Variants in ATP6V1H observed in about 807,000 individuals in gnomAD.
The protein encoded by ATP6V1H is V-type proton ATPase subunit H.
Under a neutral mutation model 71.7 loss-of-function variants are expected in ATP6V1H, and 39 were observed. That is an observed-to-expected ratio of 0.54 (90% CI 0.42 to 0.71). ATP6V1H has a LOEUF of 0.71. Among genes scored for constraint, ATP6V1H ranks in the 30% least tolerant of loss-of-function variants. The pLI is 0.00. For synonymous variants in ATP6V1H, 192 were observed against 199.3 expected (o/e 0.96, Z 0.31); for missense variants, 509 against 594.9 (o/e 0.86, Z 1.50).
intron 11 of ATP6V1H, among the ~76,000 whole-genome samples, chr8:53,766,948 G>GA (rs1349838153): frequency 1.3e-5 from 2 of 152,116 alleles, no homozygotes; most frequent in Admixed American, 6.5e-5. Flanking sequence ...ACCCTGTTAA[G>GA]AACTTGATGT....
chr8:53,829,338 T>G, intron 4 of ATP6V1H, 106 bp downstream of exon 4: 1 of 733,470 alleles, frequency 1.4e-6, no homozygotes, highest in South Asian at 1.6e-5. Context: ...TATTATGCTC[T>G]AGAAGAGAAC....
Position 53,717,158 on chromosome 8 carries a change from G to A in ATP6V1H, c.1392-1134C>T, listed in dbSNP as rs542371637. On this transcript the variant is annotated intron_variant, in intron 13 of 13. Coordinates refer to ENST00000359530, the MANE Select transcript of ATP6V1H (RefSeq NM_015941.4). ...GATGTACACAGGTAAATATGACTCCGCCTCTCTCCACAGTGGTCCAGAAGA... is the reference window on the plus strand; with the variant it reads ...GATGTACACAGGTAAATATGACTCCACCTCTCTCCACAGTGGTCCAGAAGA... 7.2e-5 allele frequency among the ~76,000 whole-genome samples: 11 copies of A among 152,296 alleles called. No individual in the cohort carries two copies. The South Asian group carries it at 1.5e-3, about 20-fold the overall frequency.
At chr8:53,819,913 A>G (rs549530849) in intron 4 of ATP6V1H, among the ~76,000 whole-genome samples, 5 of 151,282 alleles carry the variant, frequency 3.3e-5, no homozygotes, top group African/African-American at 1.2e-4. Context: ...CTCTCCACTG[A>G]TCCTTCATAA....
In ATP6V1H at chr8:53,841,684, T is replaced by A. The variant is rs764637884; in HGVS notation, c.7A>T (p.Lys3Ter). 1 of 1,613,718 alleles carries A rather than the reference T, an allele frequency of 6.2e-7. No individual in the cohort carries two copies. Among genetic ancestry groups the A allele is most frequent in the Non-Finnish European group, 8.5e-7 (1 of 1,179,836 alleles). ...TCCACAGCACCTCGGATATCCATTT[T>A]GGTCATCTAAACTTCGTAATCTTGA... MT[K>*]MDIRGAVDAA... The change falls in exon 2 of 14, where the codon AAA becomes TAA. Residue 3 changes from lysine (K) to a stop codon, truncating the protein, a stop_gained. Coordinates refer to ENST00000359530, the MANE Select transcript of ATP6V1H (RefSeq NM_015941.4). LOFTEE classifies it high-confidence loss of function.
chr8:53,771,872 T>C, intron 10 of ATP6V1H, 117 bp downstream of exon 10: 1 of 874,772 alleles, frequency 1.1e-6, no homozygotes, highest in Non-Finnish European at 1.8e-6. Context: ...TTAACGTATT[T>C]TAGTGGACTC....
chr8:53,819,641 TGTATATATGTATATAC>T (rs1215280428), intron 4 of ATP6V1H, among the ~76,000 whole-genome samples: 4 of 96,404 alleles, frequency 4.1e-5, no homozygotes, highest in African/African-American at 1.9e-4. Flanking sequence ...TATATACAAA[TGTATATATGTATATAC>T]GTATATACAT....
At chr8:53,838,884 G>A (rs1811257957) in intron 2 of ATP6V1H, among the ~76,000 whole-genome samples, 1 of 152,172 alleles carries the variant, frequency 6.6e-6, no homozygotes, top group Admixed American at 6.5e-5. Context: ...AAGATTCACT[G>A]ATTCTTCATG....
At chr8:53,766,852 G>C (rs905760580) in intron 11 of ATP6V1H, among the ~76,000 whole-genome samples, 2 of 152,216 alleles carry the variant, frequency 1.3e-5, no homozygotes, top group Non-Finnish European at 1.5e-5. Flanking sequence ...AATGGTGCCT[G>C]AAACTTCATT....
intron 7 of ATP6V1H, among the ~76,000 whole-genome samples, chr8:53,806,175 T>A (rs557632108): frequency 7.2e-5 from 11 of 152,164 alleles, no homozygotes; most frequent in Admixed American, 5.9e-4. Flanking sequence ...TGTCACATAA[T>A]GTTGGGCAAA....
At chr8:53,752,383 G>A (rs1035580078) in intron 12 of ATP6V1H, among the ~76,000 whole-genome samples, 4 of 152,184 alleles carry the variant, frequency 2.6e-5, no homozygotes, top group African/African-American at 9.7e-5. Context: ...GTCTGATGAA[G>A]TGCTGAGCTG....
rs913561679 is a variant in ATP6V1H, at chr8:53,812,041, G to A, written c.526-824C>T. Among the ~76,000 whole-genome samples the A allele has an allele frequency of 2.6e-5, 4 of 152,276 alleles. 1 individual carries two copies. In the South Asian group the frequency reaches 6.2e-4, roughly 24 times the overall value. ...GAGACACTCTAGATGTAGCACTATC[G>A]CATGACAATTGAGCAAAGTAGCAAG... On this transcript the variant is annotated intron_variant, in intron 6 of 13. Coordinates refer to ENST00000359530, the MANE Select transcript of ATP6V1H (RefSeq NM_015941.4).
At chr8:53,732,835 C>T (rs1807072173) in intron 13 of ATP6V1H, among the ~76,000 whole-genome samples, 2 of 151,980 alleles carry the variant, frequency 1.3e-5, no homozygotes, top group Admixed American at 1.3e-4. Flanking sequence ...GGCCAGCAGC[C>T]CCCCAGGAAC....
At chr8:53,762,958 A>G (rs1407491386) in intron 11 of ATP6V1H, among the ~76,000 whole-genome samples, 1 of 152,234 alleles carries the variant, frequency 6.6e-6, no homozygotes, top group South Asian at 2.1e-4. Flanking sequence ...CTTAATGGAC[A>G]GTAAATATAT....
chr8:53,777,965 C>T (rs1049705422), intron 9 of ATP6V1H, among the ~76,000 whole-genome samples: 12 of 152,160 alleles, frequency 7.9e-5, no homozygotes, highest in Non-Finnish European at 1.5e-5. Context: ...CTCTTTACTT[C>T]CATAATATAC....
chr8:53,762,296 T>G (rs1331012098), intron 11 of ATP6V1H, among the ~76,000 whole-genome samples: 2 of 151,722 alleles, frequency 1.3e-5, no homozygotes, highest in East Asian at 1.9e-4. Flanking sequence ...GGAATAAATT[T>G]AATGAAAGAC....
chr8:53,819,709 T>C (rs1192728034), intron 4 of ATP6V1H, among the ~76,000 whole-genome samples: 3 of 137,194 alleles, frequency 2.2e-5, no homozygotes, highest in African/African-American at 8.5e-5. Context: ...TATATACGTA[T>C]ATACATATAC....
At chr8:53,771,942 CA>C (rs758877917) in intron 10 of ATP6V1H, 46 bp downstream of exon 10, 1 of 1,548,806 alleles carries the variant, frequency 6.5e-7, no homozygotes, top group South Asian at 1.2e-5. Flanking sequence ...GCAAGTCAAA[CA>C]AAGCCCAACA....
intron 13 of ATP6V1H, among the ~76,000 whole-genome samples, chr8:53,742,382 C>T (rs982730700): frequency 5.9e-5 from 9 of 152,336 alleles, no homozygotes; most frequent in Middle Eastern, 3.4e-3. Flanking sequence ...GTTACTACTT[C>T]ACAGCCTTTT....
chr8:53,769,790 T>C (rs745797084), intron 10 of ATP6V1H, 47 bp from the exon 11 acceptor site: 9 of 1,483,448 alleles, frequency 6.1e-6, no homozygotes, highest in Non-Finnish European at 7.3e-6. Context: ...AATCTGACAG[T>C]ACTCCAAAAT....
Sources: allele counts gnomAD v4.1 joint callset (sites outside exome capture counted in the v4.1 genomes callset), GRCh38; gene constraint gnomAD v4.1.1; transcripts MANE v1.5; gene names NCBI Gene and HGNC (gene_info 2026-07-23, HGNC 2026-07-21).